The following SUSD5 variants were observed in gnomAD, a reference collection of about 807,000 sequenced individuals.
The protein encoded by SUSD5 is sushi domain-containing protein 5.
In SUSD5, 33 loss-of-function variants were observed where a neutral mutation model predicts 29.5. That is an observed-to-expected ratio of 1.12 (90% confidence interval 0.85 to 1.49). The LOEUF is 1.49. Among genes scored for constraint, SUSD5 ranks in the 40% most tolerant of loss-of-function variants. The pLI is 0.00. For missense variants in SUSD5, 776 were observed against 800.6 expected, an observed-to-expected ratio of 0.97 and a Z score of 0.37; for synonymous variants, 308 against 325.3, an observed-to-expected ratio of 0.95 and a Z score of 0.57.
chr3:33,182,833 C>A (rs1343209849), intron 3 of SUSD5, among the ~76,000 whole-genome samples: 1 of 152,182 alleles, frequency 6.6e-6, no homozygotes, highest in Non-Finnish European at 1.5e-5. Context: ...GTCACCCAAG[C>A]TGGAGTGCAG....
intron 1 of SUSD5, among the ~76,000 whole-genome samples, chr3:33,217,434 T>A (rs1224269393): frequency 1.3e-5 from 2 of 152,172 alleles, no homozygotes; most frequent in African/African-American, 4.8e-5. Context: ...TAAAACCCAC[T>A]TAACTGTATA....
chr3:33,174,410 C>T (rs902495419), intron 4 of SUSD5, among the ~76,000 whole-genome samples: 2 of 152,144 alleles, frequency 1.3e-5, no homozygotes, highest in Non-Finnish European at 2.9e-5. Flanking sequence ...TTCTCAGGGT[C>T]CTCACAAAGG....
intron 3 of SUSD5, among the ~76,000 whole-genome samples, chr3:33,175,623 ATTTC>A (rs1457264238): frequency 6.6e-6 from 1 of 151,864 alleles, no homozygotes; most frequent in Admixed American, 6.6e-5. Context: ...ATACATACAT[ATTTC>A]TTTTTTTTAC....
At chr3:33,203,377 T>A (rs371459186) in intron 3 of SUSD5, among the ~76,000 whole-genome samples, 43 of 152,138 alleles carry the variant, frequency 2.8e-4, no homozygotes, top group Admixed American at 2.5e-3. Flanking sequence ...CATTCCTGCA[T>A]CCTCTTCATG....
intron 4 of SUSD5, among the ~76,000 whole-genome samples, chr3:33,172,180 A>AAC (rs10576154): frequency 0.027 from 3,939 of 148,504 alleles, 58 homozygotes; most frequent in Middle Eastern, 0.062. Flanking sequence ...ACTCTTGTAA[A>AAC]ACACACACAC....
At chr3:33,185,226 G>GA (rs796684090) in intron 3 of SUSD5, among the ~76,000 whole-genome samples, 3 of 152,280 alleles carry the variant, frequency 2.0e-5, no homozygotes, top group African/African-American at 4.8e-5. Flanking sequence ...GTCAGGCTCT[G>GA]AAAAAATATT....
At position 33,152,817 on chromosome 3, in the gene SUSD5, G is replaced by C; in HGVS notation, c.1815C>G (p.Ser605Arg). 6.2e-7 allele frequency: 1 copy of C among 1,614,006 alleles called. No homozygotes were observed. Among genetic ancestry groups the C allele is most frequent in the East Asian group, 2.2e-5 (1 of 44,874 alleles). ...GGCCAACATTCAGCTTGTACACAGA[G>C]CTCTTGTGCTGGCACTTGCGGTAGC... ...VWGYRKCQHK[S>R]SVYKLNVGQR... The change falls in exon 5 of 5, where the codon AGC (serine) becomes AGG (arginine). Residue 605 changes from serine to arginine, a missense_variant. Coordinates refer to ENST00000309558, the MANE Select transcript of SUSD5 (RefSeq NM_015551.2).
rs565867376 is a variant in SUSD5, at chr3:33,218,496, G to A, written c.112+190C>T. ...CCAGGCACCAGGCGGGCGTTTGGGC[G>A]CACGGGCACGCGGAGACTTGGTGGG... On this transcript the variant is annotated intron_variant, in intron 1 of 4. Transcript: ENST00000309558. Among the ~76,000 whole-genome samples, 39 of 152,270 alleles carry A rather than the reference G, an allele frequency of 2.6e-4. No individual in the cohort carries two copies. In the South Asian group the frequency reaches 6.8e-3, roughly 27 times the overall value.
At chr3:33,197,467 G>A (rs573971801) in intron 3 of SUSD5, among the ~76,000 whole-genome samples, 1 of 152,192 alleles carries the variant, frequency 6.6e-6, no homozygotes, top group South Asian at 2.1e-4. Context: ...GTGTTTTAAA[G>A]TATTATTTAT....
intron 4 of SUSD5, among the ~76,000 whole-genome samples, chr3:33,162,917 C>CAAAAAAA (rs35165045): frequency 3.7e-5 from 5 of 133,436 alleles, no homozygotes; most frequent in Non-Finnish European, 6.3e-5. Flanking sequence ...AACTCCATCT[C>CAAAAAAA]AAAAAAAAAA....
At chr3:33,211,392 A>C (rs1483587600) in intron 2 of SUSD5, among the ~76,000 whole-genome samples, 3 of 152,374 alleles carry the variant, frequency 2.0e-5, no homozygotes, top group African/African-American at 7.2e-5. Context: ...GAAATTTTAT[A>C]GTAACAGGAT....
Position 33,171,008 on chromosome 3 carries a change from C to G in SUSD5, c.598+3878G>C, listed in dbSNP as rs112746262. Reference sequence around the variant, plus strand: ...TGATATATTCGCAGGAACCTCATCTCTAAGGTATCTCTGTGATAACTAGTA... The same window carrying G: ...TGATATATTCGCAGGAACCTCATCTGTAAGGTATCTCTGTGATAACTAGTA... On this transcript the variant is annotated intron_variant, in intron 4 of 4. Coordinates refer to ENST00000309558, the MANE Select transcript of SUSD5 (RefSeq NM_015551.2). Among the ~76,000 whole-genome samples, 14 of 152,346 alleles carry G rather than the reference C, an allele frequency of 9.2e-5. 2 individuals are homozygous for G. Among genetic ancestry groups the G allele is most frequent in the African/African-American group, 2.6e-4 (11 of 41,574 alleles).
chr3:33,182,728 A>G (rs1404857448), intron 3 of SUSD5, among the ~76,000 whole-genome samples: 1 of 152,174 alleles, frequency 6.6e-6, no homozygotes, highest in African/African-American at 2.4e-5. Flanking sequence ...ATCTAAAATG[A>G]GTATAGCTAC....
intron 4 of SUSD5, among the ~76,000 whole-genome samples, chr3:33,165,771 C>T (rs2031289751): frequency 6.6e-6 from 1 of 152,116 alleles, no homozygotes; most frequent in South Asian, 2.1e-4. Context: ...CAATATTGTA[C>T]TTTGTTAAGA....
chr3:33,192,461 T>C (rs1575539629), intron 3 of SUSD5, among the ~76,000 whole-genome samples: 1 of 152,030 alleles, frequency 6.6e-6, no homozygotes, highest in Non-Finnish European at 1.5e-5. Flanking sequence ...TTCAAAATAC[T>C]TCTCTATTGT....
At chr3:33,201,477 A>G (rs2032116106) in intron 3 of SUSD5, among the ~76,000 whole-genome samples, 1 of 152,222 alleles carries the variant, frequency 6.6e-6, no homozygotes, top group Non-Finnish European at 1.5e-5. Flanking sequence ...CTCTGGGGCC[A>G]AAAGACCCAT....
intron 4 of SUSD5, among the ~76,000 whole-genome samples, chr3:33,157,744 G>T (rs565909616): frequency 3.2e-4 from 48 of 152,304 alleles, no homozygotes; most frequent in Admixed American, 1.0e-3. Context: ...CCTGCCAGCT[G>T]CCATGTGAAC....
rs200211293 is a variant in SUSD5, at chr3:33,204,627, A to G, written c.409+3181T>C. Among the ~76,000 whole-genome samples the G allele has an allele frequency of 2.1e-4, 31 of 147,950 alleles. No individual in the cohort carries two copies. Among genetic ancestry groups the G allele is most frequent in the East Asian group, 4.1e-4 (2 of 4,930 alleles). The stretch of plus-strand genomic sequence containing the variant: ...TGAGCCACCACACCCGGCCTGTTTT[A>G]TTTTGTTTTGTTTTGTTTTGTTTTG... On this transcript the variant is annotated intron_variant, in intron 3 of 4. Coordinates refer to ENST00000309558, the MANE Select transcript of SUSD5 (RefSeq NM_015551.2). This position sits in a 1 kb window ranked among gnomAD's most constrained non-coding sequence, Gnocchi z 4.5.
intron 4 of SUSD5, among the ~76,000 whole-genome samples, chr3:33,169,887 G>A (rs1288355855): frequency 3.9e-5 from 6 of 152,014 alleles, no homozygotes; most frequent in African/African-American, 9.7e-5. Flanking sequence ...CACACTTGGC[G>A]GCAGATAGCC....
Sources: allele counts gnomAD v4.1 joint callset (sites outside exome capture counted in the v4.1 genomes callset), GRCh38; gene constraint gnomAD v4.1.1; non-coding constraint Gnocchi (gnomAD v3.1); transcripts MANE v1.5; gene names NCBI Gene and HGNC (gene_info 2026-07-23, HGNC 2026-07-21).